RTTN: variants seen among roughly 807,000 people sequenced by gnomAD.
RTTN encodes the protein rotatin.
A neutral mutation model predicts 269.2 loss-of-function variants in RTTN; 182 were observed. The observed-to-expected ratio is 0.68, with a 90% CI of 0.60 to 0.76. RTTN has a LOEUF of 0.76. Ranked by LOEUF, RTTN falls within the 30% of genes least tolerant of loss-of-function variation. The probability of loss-of-function intolerance (pLI) is 0.00; values close to 1 mark genes in which losing one functional copy is unlikely to be tolerated. For synonymous variants in RTTN, 1,006 were observed against 963.5 expected (o/e 1.04, Z -0.82); for missense variants, 2,545 against 2,608.6 (o/e 0.98, Z 0.53).
In RTTN at chr18:70,044,146, T is replaced by C. The variant is rs140372604; in HGVS notation, c.5541+3825A>G. Among the ~76,000 whole-genome samples the C allele has an allele frequency of 5.0e-3, 759 of 152,312 alleles. 3 individuals carry two copies. Among genetic ancestry groups the C allele is most frequent in the South Asian group, 7.7e-3 (37 of 4,818 alleles). On this transcript the variant is annotated intron_variant, in intron 40 of 48. Transcript: ENST00000640769. ...TCCAAAAGGTACTTAATGTAAAAAA[T>C]AGGCTTTTTAATTACAGTGAACATT...
chr18:70,012,502 T>G (rs1345681514), intron 46 of RTTN, among the ~76,000 whole-genome samples: 2 of 150,878 alleles, frequency 1.3e-5, no homozygotes, highest in East Asian at 4.0e-4. Context: ...GTCTGCTCAC[T>G]GGTATTGGTT....
chr18:70,028,942 C>A (rs1281025578), intron 42 of RTTN, 141 bp from the exon 43 acceptor site: 11 of 511,924 alleles, frequency 2.1e-5, no homozygotes, highest in Non-Finnish European at 3.5e-5. Context: ...TTTGAGGGAA[C>A]TGACAGGCTA....
chr18:70,048,617 T>C (rs1730258601), intron 39 of RTTN, among the ~76,000 whole-genome samples: 1 of 152,238 alleles, frequency 6.6e-6, no homozygotes, highest in African/African-American at 2.4e-5. Context: ...TTTTATATTT[T>C]AGATTTATGC....
chr18:70,122,778 T>A (rs2059771132), intron 25 of RTTN, among the ~76,000 whole-genome samples: 1 of 152,184 alleles, frequency 6.6e-6, no homozygotes, highest in Non-Finnish European at 1.5e-5. Context: ...CTGAGTAGGA[T>A]GGCAAGTGCC....
Position 70,154,160 on chromosome 18 carries a change from T to C in RTTN, c.1930-3427A>G, listed in dbSNP as rs955935529. Among the ~76,000 whole-genome samples the C allele has an allele frequency of 9.2e-5, 14 of 152,220 alleles. No homozygotes were observed. In the East Asian group the frequency reaches 2.7e-3, roughly 29 times the overall value. ...AATTTTCAAAATTACTAAAATTCAG[T>C]GCATTTTTTTTAAAAACAAATTCGA... On this transcript the variant is annotated intron_variant, in intron 14 of 48. Coordinates refer to ENST00000640769, the MANE Select transcript of RTTN (RefSeq NM_173630.4).
rs1405867375 is a variant in RTTN at position 70,176,682 on chromosome 18, A to T, written c.1469T>A (p.Val490Asp). The T allele has an allele frequency of 6.2e-7, 1 of 1,612,616 alleles. No individual in the cohort carries two copies. Among genetic ancestry groups the T allele is most frequent in the Non-Finnish European group, 8.5e-7 (1 of 1,179,378 alleles). Residue 490 changes from valine to aspartate, a missense_variant, in exon 11 of 49, where the codon GTT becomes GAT. Physicochemically the swap from Val to Asp is radical, Grantham distance 152 (BLOSUM62 -3). Coordinates refer to ENST00000640769, the MANE Select transcript of RTTN (RefSeq NM_173630.4). ...CAGCATTGCCTGCCTTACCTTTTCA[A>T]CAGGGAGAAGCGTTTGTAGCAGTCG... ...AVRLLQTLLP[V>D]EKASEFLSEP...
chr18:70,061,452 C>T (rs556409656), intron 35 of RTTN: 1 of 455,968 alleles, frequency 2.2e-6, no homozygotes, highest in Non-Finnish European at 4.4e-6. Context: ...TAAATGTATA[C>T]ATTGCTATTT....
chr18:70,138,470 A>G (rs2145701483), intron 21 of RTTN: 1 of 152,278 alleles, frequency 6.6e-6, no homozygotes. Context: ...GGTGTTCATA[A>G]TAAGTTCCAT....
chr18:70,058,220 A>G (rs923532238), intron 36 of RTTN, among the ~76,000 whole-genome samples: 7 of 152,224 alleles, frequency 4.6e-5, no homozygotes, highest in Admixed American at 4.6e-4. Flanking sequence ...GTAAAAAACA[A>G]AATAAAGTAA....
At chr18:70,129,768 A>C (rs2059952667) in intron 23 of RTTN, 1 of 151,996 alleles carries the variant, frequency 6.6e-6, no homozygotes, top group African/African-American at 2.4e-5. Context: ...AGCAAAAATA[A>C]GTAAATGGGA....
chr18:70,156,420 G>A (rs2060677402), intron 14 of RTTN, among the ~76,000 whole-genome samples: 1 of 152,238 alleles, frequency 6.6e-6, no homozygotes. Context: ...CCTGTCTACT[G>A]ATAAGATGTT....
In RTTN at chr18:70,073,943, T is replaced by C. The variant is rs745777553; in HGVS notation, c.4616A>G (p.Asp1539Gly). 1 of 1,612,032 alleles carries C rather than the reference T, an allele frequency of 6.2e-7. No homozygotes were observed. Among genetic ancestry groups the C allele is most frequent in the Admixed American group, 1.7e-5 (1 of 59,870 alleles). ...GGTGGAGAGAGAACTTGGATCTCGATCCTGACTTGTCCTAGATGGAGCCCT... is the reference window on the plus strand; with the variant it reads ...GGTGGAGAGAGAACTTGGATCTCGACCCTGACTTGTCCTAGATGGAGCCCT... Reference protein sequence around the residue: ...FWRAPSRTSQDRDPSSLSTSE... With the variant: ...FWRAPSRTSQGRDPSSLSTSE... The change falls in exon 34 of 49, where the codon GAT (aspartate) becomes GGT (glycine). Residue 1539 changes from aspartate to glycine, a missense_variant. Asp to Gly is a moderately conservative substitution (Grantham distance 94, BLOSUM62 -1). Coordinates refer to ENST00000640769, the MANE Select transcript of RTTN (RefSeq NM_173630.4).
chr18:70,196,681 G>A (rs1210182963), intron 6 of RTTN, 33 bp from the exon 7 acceptor site: 1 of 1,598,200 alleles, frequency 6.3e-7, no homozygotes. Flanking sequence ...AAATTACTAA[G>A]GGAACAAAGA....
chr18:70,139,626 A>G lies in RTTN; in HGVS notation c.2761T>C (p.Ser921Pro), dbSNP rs1031289048. Residue 921 changes from serine (S) to proline (P), a missense_variant, in exon 21 of 49, where the codon TCT becomes CCT. Transcript: ENST00000640769. ...CTGAATAACACGGTCAAAAGAGAAG[A>G]CTGTTGCGAGAGCGAAACACGCATG... ...PVMRVSLSQQ[S>P]SLLTVLFRVS... 6.2e-7 allele frequency: 1 copy of G among 1,611,394 alleles called. No individual in the cohort carries two copies. The highest frequency in any genetic ancestry group is 1.7e-5 in the Admixed American group (1 of 59,972).
chr18:70,133,770 A>G (rs1411273523), intron 23 of RTTN, among the ~76,000 whole-genome samples: 5 of 152,162 alleles, frequency 3.3e-5, no homozygotes, highest in Non-Finnish European at 7.4e-5. Flanking sequence ...TTCTATGTCA[A>G]TCTGTGTGAG....
At position 70,028,730 on chromosome 18, in the gene RTTN, T is replaced by C; in HGVS notation, c.5817A>G (p.Glu1939=). Residue 1939 remains glutamate, a synonymous_variant, in exon 43 of 49, where the codon GAA becomes GAG. Coordinates refer to ENST00000640769, the MANE Select transcript of RTTN (RefSeq NM_173630.4). ...LLRNCLYQNE[E]CKEAALEAHL... is the part of the protein sequence containing the mutation. ...GAAAAGTAGTTCTACTTACTTTACA[T>C]TCCTCATTTTGATAAAGACAGTTTC... 6.2e-7 allele frequency: 1 copy of C among 1,603,664 alleles called. No homozygotes were observed. Among genetic ancestry groups the C allele is most frequent in the Non-Finnish European group, 8.5e-7 (1 of 1,172,544 alleles).
At chr18:70,034,009 A>G (rs1021635513) in intron 40 of RTTN, among the ~76,000 whole-genome samples, 9 of 152,218 alleles carry the variant, frequency 5.9e-5, no homozygotes, top group African/African-American at 2.2e-4. Context: ...TGAACCAGGA[A>G]GAAACTGAAT....
intron 18 of RTTN, 92 bp downstream of exon 18, chr18:70,145,520 G>T: frequency 2.1e-6 from 2 of 931,094 alleles, no homozygotes; most frequent in Non-Finnish European, 3.1e-6. Context: ...CCCTCCCCAG[G>T]ACATACACAA....
chr18:70,088,296 G>GTCC (rs1186961421), intron 30 of RTTN, 149 bp from the exon 31 acceptor site: 1 of 617,572 alleles, frequency 1.6e-6, no homozygotes, highest in East Asian at 3.0e-5. Flanking sequence ...AGAAGACAGT[G>GTCC]TCCTCCATTC....
Sources: gnomAD v4.1 joint callset for allele counts (sites outside exome capture counted in the v4.1 genomes callset) on GRCh38, gnomAD v4.1.1 for gene constraint, MANE v1.5 for transcripts, NCBI Gene and HGNC (gene_info 2026-07-23, HGNC 2026-07-21) for gene names.